Variants in TYK2 observed in about 807,000 individuals in gnomAD.
The protein encoded by TYK2 is non-receptor tyrosine-protein kinase TYK2.
TYK2 carries 65 observed loss-of-function variants against 130.9 expected under a neutral mutation model. That is an observed-to-expected ratio of 0.50 (90% CI 0.41 to 0.61). The LOEUF (loss-of-function observed/expected upper bound fraction) is 0.61, where lower values mean the gene tolerates loss of function less well. Among genes scored for constraint, TYK2 ranks in the 20% least tolerant of loss-of-function variants. The probability of loss-of-function intolerance (pLI) is 0.00; values close to 1 mark genes in which losing one functional copy is unlikely to be tolerated. For synonymous variants in TYK2, 647 were observed against 658.9 expected (o/e 0.98, Z 0.28); for missense variants, 1,378 against 1,610.7 (o/e 0.86, Z 2.47).
chr19:10,355,507 G>A (rs2145166716), intron 18 of TYK2, among the ~76,000 whole-genome samples: 1 of 151,990 alleles, frequency 6.6e-6, no homozygotes, highest in East Asian at 1.9e-4. Flanking sequence ...GGGTGTGGTG[G>A]TGGACGCCTG....
In TYK2 at chr19:10,359,182, C is replaced by A; in HGVS notation, c.2168G>T (p.Ser723Ile). 6.2e-7 allele frequency: 1 copy of A among 1,603,240 alleles called. No individual in the cohort carries two copies. Among genetic ancestry groups the A allele is most frequent in the Non-Finnish European group, 8.5e-7 (1 of 1,179,854 alleles). Residue 723 changes from serine (S) to isoleucine (I), a missense_variant, in exon 15 of 25, where the codon AGC becomes ATC. Ser to Ile is a moderately radical substitution (Grantham distance 142). Coordinates refer to ENST00000525621, the MANE Select transcript of TYK2 (RefSeq NM_003331.5). ...VVAQQLASAL[S>I]YLENKNLVHG... ...CACACACAGGCCACACACCAGGTAG[C>A]TGAGGGCGCTGGCCAGCTGCTGGGC...
chr19:10,354,130 G>A lies in TYK2; in HGVS notation c.2820C>T (p.His940=), dbSNP rs760207885. 1 of 1,613,974 alleles carries A rather than the reference G, an allele frequency of 6.2e-7. No individual in the cohort carries two copies. The highest frequency in any genetic ancestry group is 1.3e-5 in the African/African-American group (1 of 74,934). ...KALKADCGPQ[H]RSGWKQEIDI... is the part of the protein sequence containing the mutation. ...CAATCTCCTGCTTCCAGCCCGAGCG[G>A]TGCTGGGGGCCGCAGTCTGCCTTGA... Residue 940 remains histidine, a synonymous_variant, in exon 20 of 25, where the codon CAC becomes CAT. Transcript: ENST00000525621.
intron 3 of TYK2, among the ~76,000 whole-genome samples, chr19:10,369,221 C>T (rs575187805): frequency 3.9e-5 from 6 of 152,234 alleles, no homozygotes; most frequent in African/African-American, 1.4e-4. Context: ...CTGGCGTCTC[C>T]CTGAACTCCA....
Position 10,353,470 on chromosome 19 carries a change from C to A in TYK2, c.3027+58G>T, listed in dbSNP as rs1454899591. ...AGCAGACTGCACCGGATCGCTCAGG[C>A]CAGCCCAAGCTGAAGAGGAAGGGGC... On this transcript the variant is annotated intron_variant, in intron 21 of 24. Coordinates refer to ENST00000525621, the MANE Select transcript of TYK2 (RefSeq NM_003331.5). The surrounding 1 kb of genome is among the most constrained non-coding windows in gnomAD (Gnocchi z 6.9). 1 of 1,307,020 alleles carries A rather than the reference C, an allele frequency of 7.7e-7. No homozygotes were observed. The highest frequency in any genetic ancestry group is 1.6e-5 in the South Asian group (1 of 61,744). The allele number at this position is 1,307,020 out of a possible 1,614,324, so 81.0% of individuals were successfully genotyped here. A position where few individuals can be genotyped will look rare whatever the true frequency, so the allele number is the denominator to read the frequency against.
rs2040933604 is a variant in TYK2, at chr19:10,353,729, C to T, written c.2909-83G>A. 1.8e-6 allele frequency: 2 copies of T among 1,119,022 alleles called. No individual in the cohort carries two copies. The highest frequency in any genetic ancestry group is 1.7e-5 in the South Asian group (1 of 58,918). The allele number at this position is 1,119,022 out of a possible 1,614,324, so 69.3% of individuals were successfully genotyped here. A position where few individuals can be genotyped will look rare whatever the true frequency, so the allele number is the denominator to read the frequency against. Reference sequence around the variant, plus strand: ...CTACCTTGAGCCCAGCAGAGCCCCTCCAAGGTCGGGAGGGAAGGCCAAGAC... The same window carrying T: ...CTACCTTGAGCCCAGCAGAGCCCCTTCAAGGTCGGGAGGGAAGGCCAAGAC... On this transcript the variant is annotated intron_variant, in intron 20 of 24. Transcript: ENST00000525621. This position sits in a 1 kb window ranked among gnomAD's most constrained non-coding sequence, Gnocchi z 6.9.
Position 10,362,129 on chromosome 19 carries a change from G to C in TYK2, c.1722C>G (p.Leu574=). ...MRGARASPRT[L]NLSQLSFHRV... ...GGTGGAAGCTGAGCTGGCTGAGGTT[G>C]AGTGTCCTGGGGCTGGCCCGAGCCC... is the stretch of plus-strand genomic sequence containing the variant. The change falls in exon 12 of 25, where the codon CTC becomes CTG. Residue 574 remains leucine (L), a synonymous_variant. Coordinates refer to ENST00000525621, the MANE Select transcript of TYK2 (RefSeq NM_003331.5). 1 of 1,614,108 alleles carries C rather than the reference G, an allele frequency of 6.2e-7. No homozygotes were observed. The highest frequency in any genetic ancestry group is 8.5e-7 in the Non-Finnish European group (1 of 1,180,032).
chr19:10,361,220 GTTGT>G lies in TYK2; in HGVS notation c.2047+287_2047+290del. On this transcript the variant is annotated intron_variant, in intron 14 of 24. Coordinates refer to ENST00000525621, the MANE Select transcript of TYK2 (RefSeq NM_003331.5). The surrounding 1 kb of genome is among the most constrained non-coding windows in gnomAD (Gnocchi z 4.0). Reference sequence around the variant, plus strand: ...AGCAGATGGGGGCTGGACTGTAGAGGTTGTTTGGGAGGTTGATGGAAGTGGGGAT... The same window carrying G: ...AGCAGATGGGGGCTGGACTGTAGAGGTTGGGAGGTTGATGGAAGTGGGGAT... The G allele has an allele frequency of 1.7e-6, 1 of 581,196 alleles. No homozygotes were observed. Among genetic ancestry groups the G allele is most frequent in the South Asian group, 1.9e-5 (1 of 53,444 alleles). The allele number at this position is 581,196 out of a possible 1,614,324, so 36.0% of individuals were successfully genotyped here. A position where few individuals can be genotyped will look rare whatever the true frequency, so the allele number is the denominator to read the frequency against.
rs563606723 is a variant in TYK2 at position 10,380,547 on chromosome 19, C to T, written c.-353G>A. ...ACACAAGCTCGAACCCGGACCCCTC[C>T]CCGCTCCCGCGGGTAGCTACTGCTT... On this transcript the variant is annotated 5_prime_UTR_variant, in exon 1 of 25. Coordinates refer to ENST00000525621, the MANE Select transcript of TYK2 (RefSeq NM_003331.5). 1 of 152,500 alleles carries T rather than the reference C, an allele frequency of 6.6e-6. No homozygotes were observed. The highest frequency in any genetic ancestry group is 1.5e-5 in the Non-Finnish European group (1 of 68,126). The allele number at this position is 152,500 out of a possible 1,614,324, so 9.4% of individuals were successfully genotyped here.
At position 10,368,129 on chromosome 19, in the gene TYK2, C is replaced by T. The variant is rs754709072; in HGVS notation, c.391G>A (p.Glu131Lys). ...TGTGCTGTCTGATCTGAGGATGCCT[C>T]GGTTCCTGGGGGCCCACAACGGTAC... is the stretch of plus-strand genomic sequence containing the variant. ...AVYRCGPPGT[E>K]ASSDQTAQGM... Residue 131 changes from glutamate to lysine, a missense_variant, in exon 5 of 25, where the codon GAG (glutamate) becomes AAG (lysine). By Grantham distance (56) the Glu-to-Lys change is moderately conservative (BLOSUM62 1). Coordinates refer to ENST00000525621, the MANE Select transcript of TYK2 (RefSeq NM_003331.5). 19 of 1,613,926 alleles carry T rather than the reference C, an allele frequency of 1.2e-5. No homozygotes were observed. The highest frequency in any genetic ancestry group is 1.6e-4 in the Middle Eastern group (1 of 6,084).
rs927734254 is a variant in TYK2 at position 10,354,663 on chromosome 19, C to A, written c.2618-54G>T. On this transcript the variant is annotated intron_variant, in intron 18 of 24. Transcript: ENST00000525621. ...GACCCCGATCCTTTCCCCAGCAGGCCCACACTTGGGAGTCACAAAGCCAGC... is the reference window on the plus strand; with the variant it reads ...GACCCCGATCCTTTCCCCAGCAGGCACACACTTGGGAGTCACAAAGCCAGC... 4.7e-6 allele frequency: 7 copies of A among 1,489,106 alleles called. No homozygotes were observed. The African/African-American group carries it at 8.3e-5, about 18-fold the overall frequency. 92.2% of individuals were successfully genotyped at this position (1,489,106 alleles called of 1,614,324 possible). A position where few individuals can be genotyped will look rare whatever the true frequency, so the allele number is the denominator to read the frequency against.
Position 10,364,599 on chromosome 19 carries a change from C to G in TYK2, c.1367+15G>C. 6.2e-7 allele frequency: 1 copy of G among 1,613,528 alleles called. No individual in the cohort carries two copies. The highest frequency in any genetic ancestry group is 1.1e-5 in the South Asian group (1 of 91,078). ...CCTTGGCGGTGGCCCCCAGCGCCCC[C>G]CACCCAGCACTCACAGCAGGGGTCC... On this transcript the variant is annotated intron_variant, in intron 9 of 24. Transcript: ENST00000525621. The surrounding 1 kb of genome is among the most constrained non-coding windows in gnomAD (Gnocchi z 4.9).
rs1399398857 is a variant in TYK2, at chr19:10,378,216, A to G, written c.191T>C (p.Val64Ala). 6.2e-7 allele frequency: 1 copy of G among 1,612,766 alleles called. No individual in the cohort carries two copies. Among genetic ancestry groups the G allele is most frequent in the Non-Finnish European group, 8.5e-7 (1 of 1,179,948 alleles). The change falls in exon 3 of 25, where the codon GTT becomes GCT. Residue 64 changes from valine to alanine, a missense_variant and splice_region_variant. Coordinates refer to ENST00000525621, the MANE Select transcript of TYK2 (RefSeq NM_003331.5). ...EEVCIHIAHKVGITPPCFNLF... is the reference protein window; with the variant it reads ...EEVCIHIAHKAGITPPCFNLF... Reference sequence around the variant, plus strand: ...TGGTGCCAACGCCCCAGACTCACCAACTTTATGTGCAATGTGGATGCAGAC... The same window carrying G: ...TGGTGCCAACGCCCCAGACTCACCAGCTTTATGTGCAATGTGGATGCAGAC...
In TYK2 at chr19:10,362,077, C is replaced by T. The variant is rs777488795; in HGVS notation, c.1773+1G>A. The T allele has an allele frequency of 6.2e-7, 1 of 1,614,100 alleles. No homozygotes were observed. The highest frequency in any genetic ancestry group is 2.2e-5 in the East Asian group (1 of 44,876). On this transcript the variant is annotated splice_donor_variant, in intron 12 of 24. Transcript: ENST00000525621. LOFTEE classifies it high-confidence loss of function. ...GCCCCGGGCCCCTTCCCTGCACCCA[C>T]CTGGGTGATCTCCTTCTGGTCAACC...
In TYK2 at chr19:10,353,152, C is replaced by T. The variant is rs2040899814; in HGVS notation, c.3028-54G>A. 3 of 1,411,054 alleles carry T rather than the reference C, an allele frequency of 2.1e-6. No homozygotes were observed. The highest frequency in any genetic ancestry group is 5.0e-5 in the Admixed American group (2 of 40,212). The allele number at this position is 1,411,054 out of a possible 1,614,324, so 87.4% of individuals were successfully genotyped here. ...CAGTGGGGCGGGGTTCGGCCGGGGG[C>T]GGCGGCAGGACCTGAGCAGCCAGGA... On this transcript the variant is annotated intron_variant, in intron 21 of 24. Coordinates refer to ENST00000525621, the MANE Select transcript of TYK2 (RefSeq NM_003331.5). The surrounding 1 kb of genome is among the most constrained non-coding windows in gnomAD (Gnocchi z 6.9).
chr19:10,371,426 A>C (rs996060916), intron 3 of TYK2, among the ~76,000 whole-genome samples: 2 of 151,920 alleles, frequency 1.3e-5, no homozygotes, highest in South Asian at 4.2e-4. Flanking sequence ...GGATCACCTG[A>C]GGTCGGGAGT....
rs764267766 is a variant in TYK2, at chr19:10,362,157, C to T, written c.1694G>A (p.Arg565Gln). 5.0e-6 allele frequency: 8 copies of T among 1,613,814 alleles called. No individual in the cohort carries two copies. The East Asian group carries it at 6.7e-5, about 13-fold the overall frequency. Residue 565 changes from arginine (R) to glutamine (Q), a missense_variant, in exon 12 of 25, where the codon CGG (arginine) becomes CAG (glutamine). By Grantham distance (43) the Arg-to-Gln change is conservative. Coordinates refer to ENST00000525621, the MANE Select transcript of TYK2 (RefSeq NM_003331.5). ...PGETSNLIIM[R>Q]GARASPRTLN... is the part of the protein sequence containing the mutation. ...TGTCCTGGGGCTGGCCCGAGCCCCC[C>T]GCATGATGATGAGATTGGAGGTTTC...
chr19:10,355,644 A>AG (rs1333533065), intron 18 of TYK2, among the ~76,000 whole-genome samples: 1 of 149,908 alleles, frequency 6.7e-6, no homozygotes, highest in Non-Finnish European at 1.5e-5. Flanking sequence ...CCATCTCAAA[A>AG]AAAAAAAAAA....
chr19:10,358,433 A>C (rs2041223875), intron 15 of TYK2, among the ~76,000 whole-genome samples: 1 of 150,894 alleles, frequency 6.6e-6, no homozygotes, highest in Non-Finnish European at 1.5e-5. Context: ...ACAGGTGCAC[A>C]TCACCACAGC....
Position 10,362,620 on chromosome 19 carries a change from C to T in TYK2, c.1405G>A (p.Gly469Ser), listed in dbSNP as rs143427712. 1.7e-5 allele frequency: 27 copies of T among 1,552,332 alleles called. No individual in the cohort carries two copies. The highest frequency in any genetic ancestry group is 2.4e-5 in the East Asian group (1 of 41,014). Residue 469 changes from glycine (G) to serine (S), a missense_variant, in exon 10 of 25, where the codon GGC (glycine) becomes AGC (serine). Gly to Ser is a moderately conservative substitution (Grantham distance 56, BLOSUM62 0). Coordinates refer to ENST00000525621, the MANE Select transcript of TYK2 (RefSeq NM_003331.5). ...GTGCTCCAGTGAATGAGGTACAGGC[C>T]GTCCTCGGGCCGCAGCTTGGCCTGC... ...FVQAKLRPED[G>S]LYLIHWSTSH...
Sources: gnomAD v4.1 joint callset for allele counts (sites outside exome capture counted in the v4.1 genomes callset) on GRCh38, gnomAD v4.1.1 for gene constraint, Gnocchi (gnomAD v3.1) non-coding constraint, MANE v1.5 for transcripts, NCBI Gene and HGNC (gene_info 2026-07-23, HGNC 2026-07-21) for gene names.